SOX5: variants seen among roughly 807,000 people sequenced by gnomAD.
SOX5 encodes SRY-box transcription factor 5.
SOX5 carries 9 observed loss-of-function variants against 92.0 expected under a neutral mutation model. That is an observed-to-expected ratio of 0.10 (90% CI 0.06 to 0.17). The LOEUF (loss-of-function observed/expected upper bound fraction) is 0.17, where lower values mean the gene tolerates loss of function less well. SOX5 is among the 10% of genes least tolerant of loss of function. The pLI is 1.00. For missense variants in SOX5, 642 were observed against 944.5 expected, an observed-to-expected ratio of 0.68 and a Z score of 4.20; for synonymous variants, 344 against 336.3, an observed-to-expected ratio of 1.02 and a Z score of -0.25.
At chr12:23,555,483 GAA>G (rs58190917) in intron 11 of SOX5, among the ~76,000 whole-genome samples, 3 of 142,874 alleles carry the variant, frequency 2.1e-5, no homozygotes, top group Admixed American at 1.4e-4. Context: ...AAGTTTACTG[GAA>G]AAAAAAAAAA....
At chr12:24,304,341 T>A (rs1948331775) in intron 2 of SOX5, among the ~76,000 whole-genome samples, 1 of 152,142 alleles carries the variant, frequency 6.6e-6, no homozygotes, top group African/African-American at 2.4e-5. Flanking sequence ...AATGGAAGAT[T>A]GGGTTAGATC....
intron 1 of SOX5, among the ~76,000 whole-genome samples, chr12:24,522,866 C>G (rs111345120): frequency 3.3e-5 from 5 of 151,984 alleles, no homozygotes; most frequent in African/African-American, 1.2e-4. Context: ...GACAAGGATC[C>G]TCATTCTCAC....
At chr12:24,129,568 T>C (rs1949447033) in intron 4 of SOX5, among the ~76,000 whole-genome samples, 1 of 152,176 alleles carries the variant, frequency 6.6e-6, no homozygotes, top group African/African-American at 2.4e-5. Context: ...TATTTTTTAA[T>C]TGCACATGGA....
intron 11 of SOX5, among the ~76,000 whole-genome samples, chr12:23,548,365 A>G (rs985652736): frequency 1.3e-5 from 2 of 152,100 alleles, no homozygotes; most frequent in African/African-American, 2.4e-5. Context: ...TAAGTAACCT[A>G]TAATTATCCA....
intron 4 of SOX5, among the ~76,000 whole-genome samples, chr12:24,103,341 C>A (rs1946305963): frequency 7.7e-6 from 1 of 129,910 alleles, no homozygotes; most frequent in South Asian, 3.1e-4. Context: ...AATAGTAATT[C>A]TTTTCTCAAT....
At position 24,052,894 on chromosome 12, in the gene SOX5, T is replaced by G. The variant is rs569462512; in HGVS notation, c.-1-156870A>C. 3.9e-5 allele frequency among the ~76,000 whole-genome samples: 6 copies of G among 152,308 alleles called. No individual in the cohort carries two copies. The South Asian group carries it at 1.2e-3, about 32-fold the overall frequency. On this transcript the variant is annotated intron_variant, in intron 4 of 4. Transcript: ENST00000446891. The stretch of plus-strand genomic sequence containing the variant: ...TCTGAGAAAGAGAATTACAGAGTTG[T>G]TTTCAAATTCCTTATTACAAGTTCA...
At position 23,734,745 on chromosome 12, in the gene SOX5, C is replaced by T; in HGVS notation, c.749G>A (p.Arg250Lys). The change falls in exon 6 of 15, where the codon AGA becomes AAA. Residue 250 changes from arginine (R) to lysine (K), a missense_variant. Around this residue, in one of 8 missense-constraint regions of SOX5, gnomAD observed 324 missense variants for 461.6 expected, o/e 0.70. Transcript: ENST00000451604. ...LAKQQQEQIARQQQQLLQQQH... is the reference protein window; with the variant it reads ...LAKQQQEQIAKQQQQLLQQQH... Reference sequence around the variant, plus strand: ...TTGCTGTAGAAGCTGCTGCTGCTGTCTTGCAATCTGTGAAGAAATTGCACA... The same window carrying T: ...TTGCTGTAGAAGCTGCTGCTGCTGTTTTGCAATCTGTGAAGAAATTGCACA... 6.2e-7 allele frequency: 1 copy of T among 1,612,870 alleles called. No homozygotes were observed. Among genetic ancestry groups the T allele is most frequent in the Non-Finnish European group, 8.5e-7 (1 of 1,179,312 alleles).
At chr12:24,085,570 G>A (rs368056018) in intron 4 of SOX5, among the ~76,000 whole-genome samples, 1 of 151,858 alleles carries the variant, frequency 6.6e-6, no homozygotes, top group Non-Finnish European at 1.5e-5. Context: ...TAATTATTTG[G>A]CTATAATATA....
At chr12:23,729,025 A>G (rs1256117937) in intron 6 of SOX5, among the ~76,000 whole-genome samples, 1 of 152,084 alleles carries the variant, frequency 6.6e-6, no homozygotes. Flanking sequence ...TGCCATGTAA[A>G]GTATATTCTT....
chr12:24,184,016 G>A (rs538407871), intron 4 of SOX5, among the ~76,000 whole-genome samples: 1 of 152,174 alleles, frequency 6.6e-6, no homozygotes, highest in East Asian at 1.9e-4. Flanking sequence ...ATAATTTCAT[G>A]CTATCTGTAT....
intron 1 of SOX5, among the ~76,000 whole-genome samples, chr12:24,525,716 C>T (rs1050398279): frequency 4.0e-5 from 6 of 151,758 alleles, no homozygotes; most frequent in Non-Finnish European, 8.8e-5. Context: ...CTAAAAATAC[C>T]AAAAAAATAG....
intron 8 of SOX5, among the ~76,000 whole-genome samples, chr12:23,634,956 G>A (rs2079031988): frequency 6.6e-6 from 1 of 152,064 alleles, no homozygotes; most frequent in African/African-American, 2.4e-5. Context: ...CATATTTATT[G>A]AGTCCATAAA....
At chr12:24,231,658 C>T (rs1021811764) in intron 3 of SOX5, among the ~76,000 whole-genome samples, 2 of 152,120 alleles carry the variant, frequency 1.3e-5, no homozygotes, top group African/African-American at 4.8e-5. Context: ...GTGATTGATA[C>T]GACTATGCCG....
intron 11 of SOX5, among the ~76,000 whole-genome samples, chr12:23,550,392 T>C (rs552836912): frequency 9.2e-5 from 14 of 151,952 alleles, no homozygotes; most frequent in Non-Finnish European, 2.1e-4. Context: ...TGTAAAATGA[T>C]AGTTAAACAT....
At chr12:23,602,377 T>C (rs777923039) in intron 9 of SOX5, among the ~76,000 whole-genome samples, 2 of 152,112 alleles carry the variant, frequency 1.3e-5, no homozygotes, top group Non-Finnish European at 2.9e-5. Flanking sequence ...GTTACCTAAA[T>C]AAAATCATTG....
At chr12:24,293,212 G>A (rs531711727) in intron 2 of SOX5, among the ~76,000 whole-genome samples, 2 of 152,116 alleles carry the variant, frequency 1.3e-5, no homozygotes, top group Admixed American at 1.3e-4. Flanking sequence ...GATGGAAGGA[G>A]AGTTGGAATA....
intron 3 of SOX5, among the ~76,000 whole-genome samples, chr12:23,777,662 AAATT>A (rs1049106356): frequency 3.3e-5 from 5 of 152,206 alleles, no homozygotes; most frequent in African/African-American, 1.2e-4. Flanking sequence ...TTATTTGGGT[AAATT>A]AAGCAAAAAG....
chr12:23,809,484 A>G (rs1360752504), intron 3 of SOX5, among the ~76,000 whole-genome samples: 2 of 152,160 alleles, frequency 1.3e-5, no homozygotes, highest in East Asian at 3.9e-4. Flanking sequence ...AAAAAATTAT[A>G]AAGTAGCCCC....
At chr12:23,809,760 CTTTT>C (rs34337302) in intron 3 of SOX5, among the ~76,000 whole-genome samples, 58,353 of 133,102 alleles carry the variant, frequency 0.44, 11,816 homozygotes, top group East Asian at 0.79. Flanking sequence ...AAATGAAAGT[CTTTT>C]TTTTTTTTTT....
Sources: gnomAD v4.1 joint callset for allele counts (sites outside exome capture counted in the v4.1 genomes callset) on GRCh38, gnomAD v4.1.1 for gene constraint, gnomAD v4.1.1 regional missense constraint, MANE v1.5 for transcripts, NCBI Gene and HGNC (gene_info 2026-07-23, HGNC 2026-07-21) for gene names.